MRTFA: variants seen among roughly 807,000 people sequenced by gnomAD.
MRTFA encodes myocardin-related transcription factor A.
Under a neutral mutation model 83.5 loss-of-function variants are expected in MRTFA, and 20 were observed. The observed-to-expected ratio is 0.24, with a 90% CI of 0.17 to 0.35. MRTFA has a LOEUF of 0.35. MRTFA is among the 10% of genes least tolerant of loss of function. The pLI is 1.00. For synonymous variants in MRTFA, 659 were observed against 541.2 expected (o/e 1.22, Z -3.02); for missense variants, 1,200 against 1,224.7 (o/e 0.98, Z 0.30).
At chr22:40,583,549 A>C (rs2055980633) in intron 2 of MRTFA, among the ~76,000 whole-genome samples, 1 of 152,234 alleles carries the variant, frequency 6.6e-6, no homozygotes, top group Non-Finnish European at 1.5e-5. Context: ...CCCAACCCCC[A>C]GTCCATGGCC....
intron 3 of MRTFA, among the ~76,000 whole-genome samples, chr22:40,469,915 T>C (rs2053870397): frequency 6.6e-6 from 1 of 151,634 alleles, no homozygotes. Flanking sequence ...CCCATCTCTA[T>C]AAATATTATG....
intron 14 of MRTFA, chr22:40,412,590 A>G (rs956178289): frequency 2.0e-5 from 3 of 152,236 alleles, no homozygotes; most frequent in African/African-American, 7.2e-5. Context: ...TCAATGGATG[A>G]AGGAAGTGAT....
intron 3 of MRTFA, among the ~76,000 whole-genome samples, chr22:40,488,896 C>T (rs1439320593): frequency 1.3e-5 from 2 of 152,074 alleles, no homozygotes; most frequent in Non-Finnish European, 2.9e-5. Context: ...TCAATGGGTA[C>T]ATTTGACTTG....
chr22:40,411,556 C>G lies in MRTFA; in HGVS notation c.2930G>C (p.Gly977Ala). 1 of 1,613,656 alleles carries G rather than the reference C, an allele frequency of 6.2e-7. No homozygotes were observed. The highest frequency in any genetic ancestry group is 8.5e-7 in the Non-Finnish European group (1 of 1,179,840). ...CAGGTGGCCATCAGCCAGGTCCAGGCCCATGGTGCTGCTGGGCTCAGGAAC... is the reference window on the plus strand; with the variant it reads ...CAGGTGGCCATCAGCCAGGTCCAGGGCCATGGTGCTGCTGGGCTCAGGAAC... The change falls in exon 15 of 15, where the codon GGC becomes GCC. Residue 977 changes from glycine (G) to alanine (A), a missense_variant. Around this residue, in one of 2 missense-constraint regions of MRTFA, gnomAD observed 1,107 missense variants for 1,041.8 expected, o/e 1.06. Transcript: ENST00000355630.
Position 40,420,940 on chromosome 22 carries a change from A to G in MRTFA, c.1088T>C (p.Leu363Pro). 1 of 1,614,134 alleles carries G rather than the reference A, an allele frequency of 6.2e-7. No homozygotes were observed. The highest frequency in any genetic ancestry group is 1.1e-5 in the South Asian group (1 of 91,086). Residue 363 changes from leucine to proline, a missense_variant, in exon 10 of 15, where the codon CTG (leucine) becomes CCG (proline). Coordinates refer to ENST00000355630, the MANE Select transcript of MRTFA (RefSeq NM_020831.6). Reference sequence around the variant, plus strand: ...CTGGAGGAAGAGCTGCTGCTGCTGCAGGATCTTGGCGTAGGATGAGTCCAT... The same window carrying G: ...CTGGAGGAAGAGCTGCTGCTGCTGCGGGATCTTGGCGTAGGATGAGTCCAT...
rs185361759 is a variant in MRTFA, at chr22:40,445,852, G to C, written c.308-10298C>G. Among the ~76,000 whole-genome samples, 6 of 152,274 alleles carry C rather than the reference G, an allele frequency of 3.9e-5. No homozygotes were observed. The East Asian group carries it at 7.7e-4, about 20-fold the overall frequency. ...CGTGAGCCACCACACCTGGTCCCAA[G>C]ATTTAATCAAGAATCATGCACTGCA... On this transcript the variant is annotated intron_variant, in intron 4 of 14. Transcript: ENST00000355630.
In MRTFA at chr22:40,419,269, G is replaced by A. The variant is rs1350446197; in HGVS notation, c.1469C>T (p.Ala490Val). Residue 490 changes from alanine (A) to valine (V), a missense_variant, in exon 12 of 15, where the codon GCC becomes GTC. Transcript: ENST00000355630. Reference sequence around the variant, plus strand: ...AGAGGTGGCGGCAGGGGCCTTGGGGGCTCCTGGCACAGGGCTGATTTGGTC... The same window carrying A: ...AGAGGTGGCGGCAGGGGCCTTGGGGACTCCTGGCACAGGGCTGATTTGGTC... 4 of 1,613,350 alleles carry A rather than the reference G, an allele frequency of 2.5e-6. No homozygotes were observed. Among genetic ancestry groups the A allele is most frequent in the East Asian group, 2.2e-5 (1 of 44,836 alleles).
chr22:40,527,923 GA>G (rs111277270), intron 3 of MRTFA, among the ~76,000 whole-genome samples: 7 of 150,902 alleles, frequency 4.6e-5, no homozygotes, highest in South Asian at 2.1e-4. Context: ...CAAAAAGGAG[GA>G]AAAAAAAAGA....
intron 3 of MRTFA, among the ~76,000 whole-genome samples, chr22:40,511,990 C>T (rs996712617): frequency 3.3e-5 from 5 of 152,140 alleles, no homozygotes; most frequent in African/African-American, 9.7e-5. Context: ...TGTGAAAAAT[C>T]CTGAGTAGTA....
chr22:40,437,557 C>T (rs548331411), intron 4 of MRTFA, among the ~76,000 whole-genome samples: 3 of 152,130 alleles, frequency 2.0e-5, no homozygotes, highest in South Asian at 4.2e-4. Context: ...GTAAGGAGTT[C>T]GAGACGAGCC....
intron 4 of MRTFA, among the ~76,000 whole-genome samples, chr22:40,449,274 GAAAAAAAAAA>G (rs35140973): frequency 3.4e-5 from 3 of 88,008 alleles, no homozygotes; most frequent in African/African-American, 1.4e-4. Flanking sequence ...CTCCAAACGA[GAAAAAAAAAA>G]AAAAAAAGAA....
Position 40,630,930 on chromosome 22 carries a change from T to C in MRTFA, c.-84+5548A>G, listed in dbSNP as rs536567129. On this transcript the variant is annotated intron_variant, in intron 1 of 14. Coordinates refer to ENST00000355630, the MANE Select transcript of MRTFA (RefSeq NM_020831.6). ...TCAAACTCAGCCACACAGGTTCTCA[T>C]TCTAGGTATTTTTATTATGGGCCCT... Among the ~76,000 whole-genome samples, 3 of 152,338 alleles carry C rather than the reference T, an allele frequency of 2.0e-5. No individual in the cohort carries two copies. In the East Asian group the frequency reaches 5.8e-4, roughly 29 times the overall value.
At chr22:40,567,117 C>T (rs1044389225) in intron 2 of MRTFA, among the ~76,000 whole-genome samples, 1 of 152,264 alleles carries the variant, frequency 6.6e-6, no homozygotes, top group Non-Finnish European at 1.5e-5. Flanking sequence ...AAAGTAGAGA[C>T]ATTAACTACA....
intron 3 of MRTFA, among the ~76,000 whole-genome samples, chr22:40,524,289 C>G (rs1171348755): frequency 6.6e-6 from 1 of 152,134 alleles, no homozygotes; most frequent in African/African-American, 2.4e-5. Context: ...GAGTGAGACC[C>G]TGGCTCAAAA....
chr22:40,448,649 T>C (rs2053429294), intron 4 of MRTFA, among the ~76,000 whole-genome samples: 1 of 152,208 alleles, frequency 6.6e-6, no homozygotes, highest in Admixed American at 6.5e-5. Flanking sequence ...CAGGGAAGGC[T>C]TCAGATCTAA....
chr22:40,621,646 A>G (rs1315931969), intron 1 of MRTFA, among the ~76,000 whole-genome samples: 1 of 152,224 alleles, frequency 6.6e-6, no homozygotes, highest in Non-Finnish European at 1.5e-5. Context: ...ACCGTGGGCA[A>G]AAACTCTACT....
At chr22:40,624,825 C>A (rs1038937110) in intron 1 of MRTFA, among the ~76,000 whole-genome samples, 1 of 152,152 alleles carries the variant, frequency 6.6e-6, no homozygotes, top group African/African-American at 2.4e-5. Context: ...ATAAGTCATG[C>A]CTGGTTTCCA....
intron 3 of MRTFA, among the ~76,000 whole-genome samples, chr22:40,481,817 T>A (rs1383933888): frequency 6.6e-6 from 1 of 151,838 alleles, no homozygotes; most frequent in Non-Finnish European, 1.5e-5. Flanking sequence ...TCCCAGCACT[T>A]TGGGAGGCCA....
chr22:40,617,424 G>A, intron 1 of MRTFA, among the ~76,000 whole-genome samples: 1 of 152,118 alleles, frequency 6.6e-6, no homozygotes, highest in East Asian at 1.9e-4. Flanking sequence ...AAAATGGCAG[G>A]TGTGGTAGAA....
Sources: gnomAD v4.1 joint callset for allele counts (sites outside exome capture counted in the v4.1 genomes callset) on GRCh38, gnomAD v4.1.1 for gene constraint, gnomAD v4.1.1 regional missense constraint, MANE v1.5 for transcripts, NCBI Gene and HGNC (gene_info 2026-07-23, HGNC 2026-07-21) for gene names.